The following ALDH16A1 variants were observed in gnomAD, a reference collection of about 807,000 sequenced individuals.
The protein encoded by ALDH16A1 is aldehyde dehydrogenase family 16 member A1.
A neutral mutation model predicts 96.1 loss-of-function variants in ALDH16A1; 88 were observed. The observed-to-expected ratio is 0.92, with a 90% CI of 0.77 to 1.09. ALDH16A1 has a LOEUF of 1.09. Ranked by LOEUF, ALDH16A1 falls within the 50% of genes least tolerant of loss-of-function variation. The probability of loss-of-function intolerance (pLI) is 0.00; values close to 1 mark genes in which losing one functional copy is unlikely to be tolerated. For missense variants in ALDH16A1, 1,250 were observed against 1,112.6 expected, an observed-to-expected ratio of 1.12 and a Z score of -1.76; for synonymous variants, 522 against 496.4, an observed-to-expected ratio of 1.05 and a Z score of -0.69.
At chr19:49,456,898 A>G (rs2079107460) in intron 1 of ALDH16A1, among the ~76,000 whole-genome samples, 1 of 151,822 alleles carries the variant, frequency 6.6e-6, no homozygotes. Context: ...ACCTGAGGCC[A>G]GGAGTTCGAG....
intron 14 of ALDH16A1, among the ~76,000 whole-genome samples, chr19:49,466,687 G>A (rs1228985287): frequency 6.7e-6 from 1 of 148,450 alleles, no homozygotes; most frequent in South Asian, 2.2e-4. Flanking sequence ...GGTGAAACCT[G>A]GTCTCTACTA....
Position 49,461,792 on chromosome 19 carries a change from G to T in ALDH16A1, c.751G>T (p.Ala251Ser), listed in dbSNP as rs549376687. 1.9e-6 allele frequency: 3 copies of T among 1,610,896 alleles called. No homozygotes were observed. The highest frequency in any genetic ancestry group is 2.2e-5 in the East Asian group (1 of 44,762). The change falls in exon 6 of 17, where the codon GCC (alanine) becomes TCC (serine). Residue 251 changes from alanine to serine, a missense_variant. Transcript: ENST00000293350. ...AATCCGGAAGGTGGCCTTCTGCGGA[G>T]CCCCGGAGGTACCTTCGGGACAGGG... is the stretch of plus-strand genomic sequence containing the variant. ...PGIRKVAFCG[A>S]PEEGRALRRS...
intron 2 of ALDH16A1, 132 bp downstream of exon 2, chr19:49,458,720 G>A: frequency 8.9e-7 from 1 of 1,125,164 alleles, no homozygotes; most frequent in South Asian, 1.4e-5. Context: ...GGGCTGCGAT[G>A]TCTGGTTCCT....
chr19:49,454,570 C>T (rs1009096868), intron 1 of ALDH16A1, among the ~76,000 whole-genome samples: 3 of 152,142 alleles, frequency 2.0e-5, no homozygotes, highest in East Asian at 1.9e-4. Context: ...AACTTTCTGT[C>T]GTTTCCCCAG....
Position 49,464,207 on chromosome 19 carries a change from G to C in ALDH16A1, c.1275G>C (p.Gly425=). ...ALLVANGTPR[G]GSASVWSERL... is the part of the protein sequence containing the mutation. ...TGGTGGCCAACGGGACGCCCCGCGGGGGCAGCGCCAGTGTGTGGAGCGAGA... is the reference window on the plus strand; with the variant it reads ...TGGTGGCCAACGGGACGCCCCGCGGCGGCAGCGCCAGTGTGTGGAGCGAGA... Residue 425 remains glycine (G), a synonymous_variant, in exon 10 of 17, where the codon GGG becomes GGC. Transcript: ENST00000293350. 6.2e-7 allele frequency: 1 copy of C among 1,606,028 alleles called. No individual in the cohort carries two copies. Among genetic ancestry groups the C allele is most frequent in the Non-Finnish European group, 8.5e-7 (1 of 1,179,462 alleles).
Position 49,468,668 on chromosome 19 carries a change from T to G in ALDH16A1, c.2124+102T>G. 6.8e-7 allele frequency: 1 copy of G among 1,460,878 alleles called. No individual in the cohort carries two copies. The highest frequency in any genetic ancestry group is 9.2e-7 in the Non-Finnish European group (1 of 1,081,442). 90.5% of individuals were successfully genotyped at this position (1,460,878 alleles called of 1,614,324 possible). ...AGCTTGTCTCTTACCCCACCCTCCG[T>G]GGTACCCATGCTGCCCCCAGCCCCA... On this transcript the variant is annotated intron_variant, in intron 15 of 16. Transcript: ENST00000293350. The surrounding 1 kb of genome is among the most constrained non-coding windows in gnomAD (Gnocchi z 4.4).
intron 2 of ALDH16A1, 101 bp from the exon 3 acceptor site, chr19:49,458,859 C>T: frequency 1.3e-6 from 2 of 1,482,042 alleles, no homozygotes; most frequent in East Asian, 2.3e-5. Context: ...TGGGGACCAG[C>T]TTTACACTCT....
intron 1 of ALDH16A1, among the ~76,000 whole-genome samples, chr19:49,455,590 C>T (rs1472553717): frequency 2.6e-5 from 4 of 151,258 alleles, no homozygotes; most frequent in Non-Finnish European, 5.9e-5. Flanking sequence ...AAGACCCTGT[C>T]CCCCCTGAAA....
rs2079217617 is a variant in ALDH16A1 at position 49,468,447 on chromosome 19, C to T, written c.2005C>T (p.Pro669Ser). 6.2e-7 allele frequency: 1 copy of T among 1,601,568 alleles called. No individual in the cohort carries two copies. The highest frequency in any genetic ancestry group is 1.3e-5 in the African/African-American group (1 of 74,872). Residue 669 changes from proline (P) to serine (S), a missense_variant, in exon 15 of 17, where the codon CCG (proline) becomes TCG (serine). Pro to Ser is a moderately conservative substitution (Grantham distance 74, BLOSUM62 -1). Coordinates refer to ENST00000293350, the MANE Select transcript of ALDH16A1 (RefSeq NM_153329.4). The surrounding 1 kb of genome is among the most constrained non-coding windows in gnomAD (Gnocchi z 4.4). Reference protein sequence around the residue: ...EPLGVLAVVCPDEWPLLAFVS... With the variant: ...EPLGVLAVVCSDEWPLLAFVS... ...GCTGGGTGTGCTGGCTGTGGTGTGT[C>T]CGGACGAGTGGCCCCTGCTTGCCTT...
Position 49,453,876 on chromosome 19 carries a change from C to T in ALDH16A1, c.90+455C>T, listed in dbSNP as rs1394668310. On this transcript the variant is annotated intron_variant, in intron 1 of 16. Transcript: ENST00000293350. ...CCCAGACCTCCTGAGGGACTCCCTT[C>T]ATCCCTTTGATTACCCAGAGACCTT... Among the ~76,000 whole-genome samples, 7 of 152,208 alleles carry T rather than the reference C, an allele frequency of 4.6e-5. No individual in the cohort carries two copies. In the East Asian group the frequency reaches 1.4e-3, roughly 29 times the overall value.
At chr19:49,453,634 T>G (rs17206895) in intron 1 of ALDH16A1, 144,140 of 507,122 alleles carry the variant, frequency 0.28, 23,518 homozygotes, top group Non-Finnish European at 0.35. Context: ...TCTTCCCCAC[T>G]GGTTCTCTTG....
At position 49,468,908 on chromosome 19, in the gene ALDH16A1, A is replaced by G; in HGVS notation, c.2169A>G (p.Thr723=). The G allele has an allele frequency of 1.9e-6, 3 of 1,614,018 alleles. No homozygotes were observed. Among genetic ancestry groups the G allele is most frequent in the Admixed American group, 1.7e-5 (1 of 60,006 alleles). The change falls in exon 16 of 17, where the codon ACA becomes ACG. Residue 723 remains threonine (T), a synonymous_variant. Transcript: ENST00000293350. This position sits in a 1 kb window ranked among gnomAD's most constrained non-coding sequence, Gnocchi z 4.4. ...CAGCAGGCCTGGCCAACGTGGTGAC[A>G]GGAGACCGGGACCATCTGACCCGCT... ...VFPAGLANVV[T]GDRDHLTRCL...
intron 1 of ALDH16A1, among the ~76,000 whole-genome samples, chr19:49,454,024 T>TTTTTTTG (rs1555798655): frequency 0.011 from 1,287 of 114,088 alleles, 29 homozygotes; most frequent in African/African-American, 0.035. Context: ...GGTTGGGTTT[T>TTTTTTTG]TTTTTTGTTT....
At chr19:49,455,226 G>A (rs1256464167) in intron 1 of ALDH16A1, among the ~76,000 whole-genome samples, 1 of 151,764 alleles carries the variant, frequency 6.6e-6, no homozygotes. Flanking sequence ...GACCAGCCTG[G>A]CCAAGATGGT....
chr19:49,469,081 G>A, intron 16 of ALDH16A1, 95 bp downstream of exon 16: 3 of 1,491,130 alleles, frequency 2.0e-6, no homozygotes, highest in South Asian at 2.6e-5. Flanking sequence ...TAGAACTCCT[G>A]TTGGTAAGGG....
chr19:49,462,077 C>T (rs750632744), intron 7 of ALDH16A1, 41 bp downstream of exon 7: 11 of 1,497,028 alleles, frequency 7.3e-6, no homozygotes, highest in Non-Finnish European at 9.7e-6. Context: ...CCCTGGAGGC[C>T]GTTGGTGTCT....
In ALDH16A1 at chr19:49,465,208, C is replaced by T. The variant is rs867722680; in HGVS notation, c.1568+446C>T. On this transcript the variant is annotated intron_variant, in intron 12 of 16. Coordinates refer to ENST00000293350, the MANE Select transcript of ALDH16A1 (RefSeq NM_153329.4). ...GCAGGAGCTTAGGGTCCCCCAGAGG[C>T]TCATGGAGCAGGAACTTAGGGTCCT... Among the ~76,000 whole-genome samples, 191 of 147,560 alleles carry T rather than the reference C, an allele frequency of 1.3e-3. 1 individual carries two copies. The highest frequency in any genetic ancestry group is 4.7e-3 in the African/African-American group (177 of 37,930).
intron 1 of ALDH16A1, among the ~76,000 whole-genome samples, chr19:49,457,138 G>C (rs1195937144): frequency 6.6e-6 from 1 of 151,398 alleles, no homozygotes; most frequent in Non-Finnish European, 1.5e-5. Flanking sequence ...GGGCCAGTAA[G>C]AGAAAAATCA....
chr19:49,460,449 T>C (rs537624652), intron 4 of ALDH16A1, among the ~76,000 whole-genome samples: 2 of 150,416 alleles, frequency 1.3e-5, no homozygotes, highest in African/African-American at 4.9e-5. Flanking sequence ...GTTTCGCTCT[T>C]TGTTGCCCAG....
Sources: gnomAD v4.1 joint callset for allele counts (sites outside exome capture counted in the v4.1 genomes callset) on GRCh38, gnomAD v4.1.1 for gene constraint, Gnocchi (gnomAD v3.1) non-coding constraint, MANE v1.5 for transcripts, NCBI Gene and HGNC (gene_info 2026-07-23, HGNC 2026-07-21) for gene names.